Variants in TPCN1 observed in about 807,000 individuals in gnomAD.
TPCN1 encodes the protein two pore channel protein 1.
TPCN1 carries 52 observed loss-of-function variants against 108.8 expected under a neutral mutation model. The ratio of observed to expected loss-of-function variants is 0.48; its 90% confidence interval spans 0.38 to 0.60. TPCN1 has a LOEUF of 0.60. TPCN1 is among the 20% of genes least tolerant of loss of function. The pLI, the probability that TPCN1 is intolerant of heterozygous loss-of-function variation, is 0.00. For synonymous variants in TPCN1, 446 were observed against 433.7 expected (o/e 1.03, Z -0.35); for missense variants, 806 against 1,072.8 (o/e 0.75, Z 3.47).
chr12:113,290,573 C>T (rs574601557), intron 22 of TPCN1, among the ~76,000 whole-genome samples: 1 of 152,354 alleles, frequency 6.6e-6, no homozygotes, highest in South Asian at 2.1e-4. Context: ...GCTGCAGCTG[C>T]ACTGCCCCCT....
At chr12:113,259,628 G>A (rs1481633100) in intron 2 of TPCN1, among the ~76,000 whole-genome samples, 1 of 152,250 alleles carries the variant, frequency 6.6e-6, no homozygotes, top group East Asian at 1.9e-4. Context: ...GCAACAACAG[G>A]GAAAGAGCCC....
chr12:113,256,165 G>A (rs965128942), intron 2 of TPCN1, among the ~76,000 whole-genome samples: 3 of 152,014 alleles, frequency 2.0e-5, no homozygotes, highest in African/African-American at 7.2e-5. Context: ...TAGAGATAGG[G>A]TCTCACTATA....
At chr12:113,252,039 C>G (rs966603782) in intron 2 of TPCN1, among the ~76,000 whole-genome samples, 1 of 151,898 alleles carries the variant, frequency 6.6e-6, no homozygotes, top group Admixed American at 6.6e-5. Flanking sequence ...AAAAGAAGAT[C>G]GGGTTAAGAT....
chr12:113,276,371 C>T (rs188281019), intron 10 of TPCN1, among the ~76,000 whole-genome samples: 43 of 152,326 alleles, frequency 2.8e-4, no homozygotes, highest in African/African-American at 7.5e-4. Context: ...AACTCTAGAA[C>T]GTTATTTCCT....
rs1956186792 is a variant in TPCN1, at chr12:113,289,110, T to C, written c.1796+263T>C. ...CGAGGGCTGGAGGCCACCCCCACAG[T>C]AGCCTGGGTCCCAAGGTCAAGTCCC... On this transcript the variant is annotated intron_variant, in intron 21 of 27. Transcript: ENST00000335509. The surrounding 1 kb of genome is among the most constrained non-coding windows in gnomAD (Gnocchi z 4.1). 6.6e-6 allele frequency among the ~76,000 whole-genome samples: 1 copy of C among 152,230 alleles called. No homozygotes were observed. Among genetic ancestry groups the C allele is most frequent in the South Asian group, 2.1e-4 (1 of 4,834 alleles).
At chr12:113,282,548 GAGACC>G (rs1955923919) in intron 15 of TPCN1, among the ~76,000 whole-genome samples, 1 of 151,136 alleles carries the variant, frequency 6.6e-6, no homozygotes, top group South Asian at 2.1e-4. Flanking sequence ...CCAAGAGTTT[GAGACC>G]AGCCTGGGCA....
intron 2 of TPCN1, among the ~76,000 whole-genome samples, chr12:113,247,657 C>T (rs1422395739): frequency 1.3e-5 from 2 of 152,258 alleles, no homozygotes; most frequent in Non-Finnish European, 2.9e-5. Flanking sequence ...GTGAAGGCCA[C>T]GTACAAAAGG....
At chr12:113,292,845 C>A in intron 25 of TPCN1, 89 bp from the exon 26 acceptor site, 6 of 1,469,550 alleles carry the variant, frequency 4.1e-6, no homozygotes, top group Non-Finnish European at 5.5e-6. Flanking sequence ...TTAAGACCCC[C>A]TGCGGAAGGG....
chr12:113,241,138 A>G (rs912601017), intron 2 of TPCN1, among the ~76,000 whole-genome samples: 1 of 152,168 alleles, frequency 6.6e-6, no homozygotes, highest in Non-Finnish European at 1.5e-5. Flanking sequence ...TTCCCCACCA[A>G]CAGAAAGGGA....
chr12:113,225,602 C>G (rs1821644553), intron 1 of TPCN1, among the ~76,000 whole-genome samples: 1 of 151,836 alleles, frequency 6.6e-6, no homozygotes, highest in South Asian at 2.1e-4. Flanking sequence ...GCCCTGTCAC[C>G]CAGGCTGGAT....
intron 23 of TPCN1, 51 bp downstream of exon 23, chr12:113,291,049 GC>G: frequency 6.4e-7 from 1 of 1,552,392 alleles, no homozygotes; most frequent in Non-Finnish European, 8.9e-7. Context: ...CCTGGGGTCG[GC>G]CCTGGGTCTC....
intron 19 of TPCN1, 47 bp downstream of exon 19, chr12:113,287,141 C>A: frequency 6.8e-7 from 1 of 1,477,092 alleles, no homozygotes. Context: ...AGAGGGAGGA[C>A]GGGAATGCCC....
At position 113,290,124 on chromosome 12, in the gene TPCN1, C is replaced by T. The variant is rs748045667; in HGVS notation, c.1797-4C>T. Reference sequence around the variant, plus strand: ...CCCTCCTTTCTCCCTTGTGCTCCGGCCAGCACGAGTACAGTGGCAGATGCC... The same window carrying T: ...CCCTCCTTTCTCCCTTGTGCTCCGGTCAGCACGAGTACAGTGGCAGATGCC... On this transcript the variant is annotated splice_region_variant and splice_polypyrimidine_tract_variant and intron_variant, in intron 21 of 27. Coordinates refer to ENST00000335509, the MANE Select transcript of TPCN1 (RefSeq NM_017901.6). The T allele has an allele frequency of 1.4e-5, 22 of 1,573,570 alleles. No individual in the cohort carries two copies. The highest frequency in any genetic ancestry group is 1.9e-5 in the Non-Finnish European group (22 of 1,157,202).
At position 113,269,472 on chromosome 12, in the gene TPCN1, C is replaced by G. The variant is rs898417106; in HGVS notation, c.660-285C>G. On this transcript the variant is annotated intron_variant, in intron 6 of 27. Coordinates refer to ENST00000335509, the MANE Select transcript of TPCN1 (RefSeq NM_017901.6). This position sits in a 1 kb window ranked among gnomAD's most constrained non-coding sequence, Gnocchi z 5.0. ...CTGACCTTTGCACCCAAGGTCATGC[C>G]CTTGGCCTTCTGCTGCTCTGTTCCC... is the stretch of plus-strand genomic sequence containing the variant. Among the ~76,000 whole-genome samples, 8 of 152,146 alleles carry G rather than the reference C, an allele frequency of 5.3e-5. No homozygotes were observed. Among genetic ancestry groups the G allele is most frequent in the African/African-American group, 1.9e-4 (8 of 41,428 alleles).
At position 113,265,877 on chromosome 12, in the gene TPCN1, G is replaced by A. The variant is rs75058058; in HGVS notation, c.238-303G>A. Among the ~76,000 whole-genome samples, 715 of 152,146 alleles carry A rather than the reference G, an allele frequency of 4.7e-3. 9 individuals are homozygous for A. The highest frequency in any genetic ancestry group is 0.016 in the African/African-American group (647 of 41,510). On this transcript the variant is annotated intron_variant, in intron 3 of 27. Coordinates refer to ENST00000335509, the MANE Select transcript of TPCN1 (RefSeq NM_017901.6). Reference sequence around the variant, plus strand: ...AAGTCCTGGCTCAAGGGATCTTCCCGCCTTGGCCTCCGGAGTAGCTGGGAT... The same window carrying A: ...AAGTCCTGGCTCAAGGGATCTTCCCACCTTGGCCTCCGGAGTAGCTGGGAT...
chr12:113,248,895 A>G (rs1255541157), intron 2 of TPCN1, among the ~76,000 whole-genome samples: 2 of 152,238 alleles, frequency 1.3e-5, no homozygotes, highest in Non-Finnish European at 2.9e-5. Context: ...AAGAACAGAC[A>G]GTAGGAAGAC....
intron 2 of TPCN1, among the ~76,000 whole-genome samples, chr12:113,252,661 A>G (rs1355899198): frequency 6.6e-6 from 1 of 152,192 alleles, no homozygotes; most frequent in African/African-American, 2.4e-5. Flanking sequence ...CTGCTGGGGC[A>G]TGTGGAGGTC....
rs771645716 is a variant in TPCN1, at chr12:113,277,349, A to G, written c.1169A>G (p.Asn390Ser). 5 of 1,613,928 alleles carry G rather than the reference A, an allele frequency of 3.1e-6. No individual in the cohort carries two copies. The African/African-American group carries it at 5.3e-5, about 17-fold the overall frequency. ...YLTFKALNQN[N>S]TPLLSLKDFY... is the part of the protein sequence containing the mutation. ...ACCTTCAAGGCCCTGAATCAGAACA[A>G]CACACCCCTGCTCAGGTAAGAGCAG... The change falls in exon 12 of 28, where the codon AAC becomes AGC. Residue 390 changes from asparagine (N) to serine (S), a missense_variant. Asn to Ser is a conservative substitution (Grantham distance 46, BLOSUM62 1). Transcript: ENST00000335509.
rs747300621 is a variant in TPCN1, at chr12:113,277,266, G to A, written c.1086G>A (p.Gln362=). 6.2e-7 allele frequency: 1 copy of A among 1,613,878 alleles called. No individual in the cohort carries two copies. The highest frequency in any genetic ancestry group is 8.5e-7 in the Non-Finnish European group (1 of 1,179,840). ...GGCCTGCCGGCATCTCCTACAGGCA[G>A]TTTGAAGGCCTCATGCGCTTCTACA... The part of the protein sequence containing the change: ...QRRPAGISYR[Q]FEGLMRFYKP... Residue 362 remains glutamine, a synonymous_variant, in exon 12 of 28, where the codon CAG becomes CAA. Coordinates refer to ENST00000335509, the MANE Select transcript of TPCN1 (RefSeq NM_017901.6).
Sources: allele counts gnomAD v4.1 joint callset (sites outside exome capture counted in the v4.1 genomes callset), GRCh38; gene constraint gnomAD v4.1.1; non-coding constraint Gnocchi (gnomAD v3.1); transcripts MANE v1.5; gene names NCBI Gene and HGNC (gene_info 2026-07-23, HGNC 2026-07-21).